The following LRBA variants were observed in gnomAD, a reference collection of about 807,000 sequenced individuals.
LRBA encodes lipopolysaccharide-responsive and beige-like anchor protein.
Under a neutral mutation model 330.0 loss-of-function variants are expected in LRBA, and 176 were observed. The observed-to-expected ratio is 0.53, with a 90% CI of 0.47 to 0.60. The LOEUF (loss-of-function observed/expected upper bound fraction) is 0.60. Among genes scored for constraint, LRBA ranks in the 20% least tolerant of loss-of-function variants. The probability of loss-of-function intolerance (pLI) is 0.00; values close to 1 mark genes in which losing one functional copy is unlikely to be tolerated. For missense variants in LRBA, 3,259 were observed against 3,444.8 expected (o/e 0.95, Z 1.35); for synonymous variants, 1,230 against 1,193.0 (o/e 1.03, Z -0.64).
chr4:150,981,158 A>G (rs1372256146), intron 2 of LRBA, among the ~76,000 whole-genome samples: 2 of 152,032 alleles, frequency 1.3e-5, no homozygotes, highest in African/African-American at 4.8e-5. Context: ...TCACGCCTGT[A>G]ATCCCAGCAC....
intron 47 of LRBA, among the ~76,000 whole-genome samples, chr4:150,380,567 TACTG>T (rs940383528): frequency 1.3e-5 from 2 of 151,368 alleles, no homozygotes; most frequent in Non-Finnish European, 1.5e-5. Context: ...AGATGAGAAT[TACTG>T]ACTAAAAAAA....
intron 35 of LRBA, among the ~76,000 whole-genome samples, chr4:150,745,609 T>C (rs13126388): frequency 0.81 from 122,427 of 152,026 alleles, 51,498 homozygotes; most frequent in Non-Finnish European, 0.94. Context: ...TCTGGCTCCC[T>C]GGTTCAAGCA....
In LRBA at chr4:150,686,749, C is replaced by T. The variant is rs542248335; in HGVS notation, c.5755-3032G>A. Among the ~76,000 whole-genome samples the T allele has an allele frequency of 2.6e-5, 4 of 152,236 alleles. No individual in the cohort carries two copies. In the East Asian group the frequency reaches 7.7e-4, roughly 29 times the overall value. On this transcript the variant is annotated intron_variant, in intron 36 of 56. Coordinates refer to ENST00000651943, the MANE Select transcript of LRBA (RefSeq NM_001364905.1). ...GTTTCTGAAATGCTATGAACCACCACATACCTTCATATTAAACAGCATTAA... is the reference window on the plus strand; with the variant it reads ...GTTTCTGAAATGCTATGAACCACCATATACCTTCATATTAAACAGCATTAA...
At chr4:150,459,457 G>T (rs1269291446) in intron 44 of LRBA, among the ~76,000 whole-genome samples, 2 of 151,896 alleles carry the variant, frequency 1.3e-5, no homozygotes, top group Non-Finnish European at 2.9e-5. Context: ...ACAGATTTGA[G>T]ATCAAATCCT....
Position 150,795,189 on chromosome 4 carries a change from T to C in LRBA, c.5580+2892A>G, listed in dbSNP as rs542328209. On this transcript the variant is annotated intron_variant, in intron 34 of 56. Coordinates refer to ENST00000651943, the MANE Select transcript of LRBA (RefSeq NM_001364905.1). ...AATGCAACGTCAAGTCTTTCAAAAATGATATTAATGTCAAATGAACAAGAT... is the reference window on the plus strand; with the variant it reads ...AATGCAACGTCAAGTCTTTCAAAAACGATATTAATGTCAAATGAACAAGAT... Among the ~76,000 whole-genome samples, 4 of 152,210 alleles carry C rather than the reference T, an allele frequency of 2.6e-5. No homozygotes were observed. The South Asian group carries it at 8.3e-4, about 32-fold the overall frequency.
chr4:150,609,030 T>C (rs1488911878), intron 37 of LRBA, among the ~76,000 whole-genome samples: 1 of 152,194 alleles, frequency 6.6e-6, no homozygotes, highest in Non-Finnish European at 1.5e-5. Flanking sequence ...GTTGTTTCCA[T>C]TTTGTGGGGA....
chr4:150,433,557 T>A lies in LRBA; in HGVS notation c.7041+2032A>T, dbSNP rs1351398352. 2.0e-5 allele frequency among the ~76,000 whole-genome samples: 3 copies of A among 152,030 alleles called. No homozygotes were observed. In the East Asian group the frequency reaches 5.8e-4, roughly 29 times the overall value. Reference sequence around the variant, plus strand: ...TTATATTTCTAGTAGCAAACTTAGGTATGAGGTTAAAATTTGGTCATGAGA... The same window carrying A: ...TTATATTTCTAGTAGCAAACTTAGGAATGAGGTTAAAATTTGGTCATGAGA... On this transcript the variant is annotated intron_variant, in intron 46 of 56. Transcript: ENST00000651943.
chr4:150,463,784 A>G (rs1476413896), intron 44 of LRBA, among the ~76,000 whole-genome samples: 1 of 151,990 alleles, frequency 6.6e-6, no homozygotes, highest in Admixed American at 6.6e-5. Context: ...CATTTTTCTG[A>G]TATAATTTCA....
At chr4:150,737,416 C>T (rs982335174) in intron 35 of LRBA, among the ~76,000 whole-genome samples, 1 of 151,910 alleles carries the variant, frequency 6.6e-6, no homozygotes, top group African/African-American at 2.4e-5. Flanking sequence ...GCCCAGATTG[C>T]ACCATTGCGC....
chr4:150,941,542 T>C (rs1170074777), intron 2 of LRBA, among the ~76,000 whole-genome samples: 2 of 152,216 alleles, frequency 1.3e-5, no homozygotes, highest in Non-Finnish European at 2.9e-5. Flanking sequence ...ATCGTGGTAA[T>C]ACAATCCAGA....
chr4:150,692,851 T>C (rs1784259186), intron 36 of LRBA, among the ~76,000 whole-genome samples: 1 of 152,202 alleles, frequency 6.6e-6, no homozygotes, highest in South Asian at 2.1e-4. Flanking sequence ...CTGGGAGTGG[T>C]ATATACTTTT....
rs1306942880 is a variant in LRBA at position 150,988,988 on chromosome 4, GTGTT to G, written c.216+25435_216+25438del. 5.3e-5 allele frequency among the ~76,000 whole-genome samples: 8 copies of G among 151,822 alleles called. No homozygotes were observed. The East Asian group carries it at 1.4e-3, about 26-fold the overall frequency. ...TTATCATTAATTAAGTGCCTATAAAGTGTTTGTTTTTTTGTTGTTGTTTTTTTGT... is the reference window on the plus strand; with the variant it reads ...TTATCATTAATTAAGTGCCTATAAAGTGTTTTTTTGTTGTTGTTTTTTTGT... On this transcript the variant is annotated intron_variant, in intron 2 of 56. Transcript: ENST00000651943.
At chr4:150,360,169 T>C (rs191913642) in intron 47 of LRBA, among the ~76,000 whole-genome samples, 6 of 151,952 alleles carry the variant, frequency 3.9e-5, no homozygotes, top group African/African-American at 9.7e-5. Context: ...AAATTTTTTT[T>C]AAAAAATGAC....
intron 37 of LRBA, among the ~76,000 whole-genome samples, chr4:150,661,246 C>T (rs1314821573): frequency 6.6e-6 from 1 of 151,436 alleles, no homozygotes; most frequent in Non-Finnish European, 1.5e-5. Context: ...TGAGGCGGGT[C>T]AATCACCTGA....
At chr4:150,726,203 GC>G (rs2127102661) in intron 36 of LRBA, among the ~76,000 whole-genome samples, 1 of 152,228 alleles carries the variant, frequency 6.6e-6, no homozygotes, top group South Asian at 2.1e-4. Context: ...AAATAAAGTG[GC>G]TGAATGAATT....
chr4:150,742,144 A>T (rs1165701945), intron 35 of LRBA, among the ~76,000 whole-genome samples: 1 of 13,058 alleles, frequency 7.7e-5, no homozygotes, highest in African/African-American at 1.4e-4. Context: ...TATTATTATT[A>T]TTATTATTTT....
chr4:150,999,205 G>A (rs537694809), intron 2 of LRBA, among the ~76,000 whole-genome samples: 18 of 152,260 alleles, frequency 1.2e-4, no homozygotes, highest in African/African-American at 4.1e-4. Context: ...AGGCAAGAAA[G>A]AGGAAGCTAG....
chr4:150,792,881 G>A (rs1740182965), intron 34 of LRBA, among the ~76,000 whole-genome samples: 1 of 152,100 alleles, frequency 6.6e-6, no homozygotes, highest in Admixed American at 6.5e-5. Flanking sequence ...AGGAGTTCAA[G>A]ACCAGCCTGG....
At chr4:150,554,136 A>G (rs1321648926) in intron 40 of LRBA, among the ~76,000 whole-genome samples, 1 of 152,198 alleles carries the variant, frequency 6.6e-6, no homozygotes, top group Non-Finnish European at 1.5e-5. Flanking sequence ...AATCATTCTT[A>G]TCTCAGATAT....
Sources: gnomAD v4.1 joint callset for allele counts (sites outside exome capture counted in the v4.1 genomes callset) on GRCh38, gnomAD v4.1.1 for gene constraint, MANE v1.5 for transcripts, NCBI Gene and HGNC (gene_info 2026-07-23, HGNC 2026-07-21) for gene names.